The following LRP1B variants were observed in gnomAD, a reference collection of about 807,000 sequenced individuals.
LRP1B encodes low-density lipoprotein receptor-related protein 1B.
A neutral mutation model predicts 556.6 loss-of-function variants in LRP1B; 217 were observed. That is an observed-to-expected ratio of 0.39 (90% confidence interval 0.35 to 0.44). The LOEUF (loss-of-function observed/expected upper bound fraction) is 0.44. Among genes scored for constraint, LRP1B ranks in the 20% least tolerant of loss-of-function variants. LRP1B has a pLI of 1.00. For missense variants in LRP1B, 5,053 were observed against 5,620.8 expected, an observed-to-expected ratio of 0.90 and a Z score of 3.23; for synonymous variants, 2,047 against 1,865.8, an observed-to-expected ratio of 1.10 and a Z score of -2.50.
chr2:141,574,374 G>A (rs1015053961), intron 2 of LRP1B, among the ~76,000 whole-genome samples: 1 of 152,030 alleles, frequency 6.6e-6, no homozygotes, highest in African/African-American at 2.4e-5. Flanking sequence ...TGCAGAAAAG[G>A]CCTTTGATAA....
At chr2:141,767,521 C>A (rs80013865) in intron 2 of LRP1B, among the ~76,000 whole-genome samples, 1 of 151,822 alleles carries the variant, frequency 6.6e-6, no homozygotes, top group Admixed American at 6.6e-5. Context: ...ATGAATAGAC[C>A]GTTCATTTCT....
intron 7 of LRP1B, among the ~76,000 whole-genome samples, chr2:141,182,118 T>C (rs932290713): frequency 3.3e-5 from 5 of 151,968 alleles, no homozygotes; most frequent in Non-Finnish European, 7.4e-5. Flanking sequence ...TGCTGCATAC[T>C]TAATTCTCCA....
At chr2:140,683,777 G>T in intron 41 of LRP1B, 2 of 969,496 alleles carry the variant, frequency 2.1e-6, no homozygotes, top group East Asian at 2.5e-5. Context: ...TGACAGGAGT[G>T]GTCAGCTGTA....
At chr2:140,961,003 G>C (rs1696017683) in intron 18 of LRP1B, among the ~76,000 whole-genome samples, 1 of 151,800 alleles carries the variant, frequency 6.6e-6, no homozygotes, top group Admixed American at 6.6e-5. Context: ...AACTAATAAA[G>C]AAGTTGTAGT....
intron 1 of LRP1B, among the ~76,000 whole-genome samples, chr2:142,071,834 C>A (rs978355253): frequency 6.6e-6 from 1 of 151,954 alleles, no homozygotes; most frequent in Non-Finnish European, 1.5e-5. Context: ...TCTCCAAAAC[C>A]TCAGGCCCAC....
chr2:140,897,150 T>C (rs908101381), intron 23 of LRP1B, among the ~76,000 whole-genome samples: 11 of 152,242 alleles, frequency 7.2e-5, no homozygotes, highest in African/African-American at 2.7e-4. Flanking sequence ...TTTACTTTTC[T>C]ATAAAATTAT....
chr2:141,601,892 G>A (rs750445660), intron 2 of LRP1B, among the ~76,000 whole-genome samples: 1 of 151,976 alleles, frequency 6.6e-6, no homozygotes, highest in African/African-American at 2.4e-5. Context: ...ATGAGCCACC[G>A]CGTCCGGCCT....
chr2:141,268,152 T>A (rs1684960100), intron 3 of LRP1B, among the ~76,000 whole-genome samples: 1 of 152,050 alleles, frequency 6.6e-6, no homozygotes, highest in African/African-American at 2.4e-5. Flanking sequence ...CTGGCATACA[T>A]CAGGTCAAAA....
chr2:141,121,927 G>T (rs1216171145), intron 7 of LRP1B, among the ~76,000 whole-genome samples: 1 of 152,120 alleles, frequency 6.6e-6, no homozygotes, highest in Non-Finnish European at 1.5e-5. Flanking sequence ...GAACAGAGCA[G>T]AGCCCTCAGA....
At chr2:141,206,410 T>C (rs1448950862) in intron 6 of LRP1B, among the ~76,000 whole-genome samples, 2 of 150,360 alleles carry the variant, frequency 1.3e-5, no homozygotes, top group Admixed American at 1.3e-4. Context: ...TGAAACCCCG[T>C]CTCTACTAAA....
At chr2:141,375,104 T>C (rs1689378974) in intron 3 of LRP1B, among the ~76,000 whole-genome samples, 1 of 152,182 alleles carries the variant, frequency 6.6e-6, no homozygotes, top group South Asian at 2.1e-4. Context: ...TGGGTGCCTG[T>C]GGTAGCATAA....
At chr2:140,803,883 C>CCCCAAAAAAA (rs1553536909) in intron 32 of LRP1B, among the ~76,000 whole-genome samples, 2 of 136,630 alleles carry the variant, frequency 1.5e-5, no homozygotes, top group African/African-American at 5.6e-5. Flanking sequence ...CCAACCCCCC[C>CCCCAAAAAAA]AAAAAAAAGA....
At chr2:140,607,280 G>T (rs1043049874) in intron 41 of LRP1B, among the ~76,000 whole-genome samples, 1 of 152,052 alleles carries the variant, frequency 6.6e-6, no homozygotes, top group African/African-American at 2.4e-5. Flanking sequence ...TTTTCACAAA[G>T]ATGTGGAAAG....
At chr2:141,738,284 C>T (rs1010915054) in intron 2 of LRP1B, among the ~76,000 whole-genome samples, 2 of 152,078 alleles carry the variant, frequency 1.3e-5, no homozygotes, top group African/African-American at 4.8e-5. Flanking sequence ...CCTTCTCTCC[C>T]AATAGAGAAA....
intron 1 of LRP1B, among the ~76,000 whole-genome samples, chr2:141,917,959 A>C (rs1700082528): frequency 6.6e-6 from 1 of 152,126 alleles, no homozygotes; most frequent in African/African-American, 2.4e-5. Flanking sequence ...TGTTGAGTAA[A>C]ATCCTAATTC....
At chr2:141,103,909 C>T (rs907614558) in intron 7 of LRP1B, among the ~76,000 whole-genome samples, 2 of 151,792 alleles carry the variant, frequency 1.3e-5, no homozygotes, top group Admixed American at 6.6e-5. Context: ...TTGTACCAAC[C>T]ACATTTGGCA....
chr2:141,568,692 G>A (rs1032644938), intron 2 of LRP1B, among the ~76,000 whole-genome samples: 1 of 129,164 alleles, frequency 7.7e-6, no homozygotes, highest in African/African-American at 2.5e-5. Context: ...GTAATATAAA[G>A]TAATTTTTCT....
chr2:140,678,792 G>C (rs565407499), intron 41 of LRP1B, among the ~76,000 whole-genome samples: 74 of 145,488 alleles, frequency 5.1e-4, no homozygotes, highest in African/African-American at 2.3e-4. Context: ...TTTTTGGTTG[G>C]GGGGGAATGG....
chr2:141,537,877 T>C (rs993767653), intron 2 of LRP1B, among the ~76,000 whole-genome samples: 5 of 152,102 alleles, frequency 3.3e-5, no homozygotes, highest in Non-Finnish European at 5.9e-5. Flanking sequence ...ATATACCTTT[T>C]CAGACTCCAT....
Sources: gnomAD v4.1 joint callset for allele counts (sites outside exome capture counted in the v4.1 genomes callset) on GRCh38, gnomAD v4.1.1 for gene constraint, MANE v1.5 for transcripts, NCBI Gene and HGNC (gene_info 2026-07-23, HGNC 2026-07-21) for gene names.